The following LRGUK variants were observed in gnomAD, a reference collection of about 807,000 sequenced individuals.
LRGUK encodes leucine-rich repeat and guanylate kinase domain-containing protein.
LRGUK carries 65 observed loss-of-function variants against 76.0 expected under a neutral mutation model. The observed-to-expected ratio is 0.85, with a 90% CI of 0.70 to 1.05. The LOEUF (loss-of-function observed/expected upper bound fraction) is 1.05. Among genes scored for constraint, LRGUK ranks in the 50% least tolerant of loss-of-function variants. LRGUK has a pLI of 0.00. For missense variants in LRGUK, 758 were observed against 732.8 expected (o/e 1.03, Z -0.40); for synonymous variants, 268 against 265.6 (o/e 1.01, Z -0.09).
chr7:134,274,790 C>A, the LRGUK span, among the ~76,000 whole-genome samples: 23 of 152,022 alleles, frequency 1.5e-4, no homozygotes, highest in Admixed American at 1.5e-3. Context: ...ATCAGTGCCA[C>A]CTGTGCTTAT....
At chr7:134,185,038 C>G (rs1389822016) in intron 11 of LRGUK, among the ~76,000 whole-genome samples, 6 of 152,200 alleles carry the variant, frequency 3.9e-5, no homozygotes, top group Non-Finnish European at 7.4e-5. Flanking sequence ...TTTGGTATTT[C>G]AGGAGGAAGG....
At chr7:134,139,161 C>G (rs1377447073) in intron 2 of LRGUK, among the ~76,000 whole-genome samples, 1 of 152,102 alleles carries the variant, frequency 6.6e-6, no homozygotes, top group Admixed American at 6.5e-5. Context: ...CTAACGGTCT[C>G]CATGAACACT....
At chr7:134,273,248 A>T in the LRGUK span, among the ~76,000 whole-genome samples, 1 of 152,112 alleles carries the variant, frequency 6.6e-6, no homozygotes, top group East Asian at 1.9e-4. Flanking sequence ...ATGTAGACAT[A>T]TTGAGAACTT....
At chr7:134,214,399 A>G (rs1052832593), downstream of LRGUK, among the ~76,000 whole-genome samples, 8 of 152,292 alleles carry the variant, frequency 5.3e-5, no homozygotes, top group Non-Finnish European at 1.5e-5. Flanking sequence ...TCAGTCTAGT[A>G]ATTCGAATCT....
At chr7:134,145,898 T>C (rs1797949971) in intron 4 of LRGUK, among the ~76,000 whole-genome samples, 1 of 152,222 alleles carries the variant, frequency 6.6e-6, no homozygotes, top group South Asian at 2.1e-4. Context: ...TGAAAAATGT[T>C]AATTTGACTT....
intron 12 of LRGUK, 113 bp downstream of exon 12, chr7:134,191,864 G>A (rs554667509): frequency 8.6e-5 from 60 of 698,538 alleles, no homozygotes; most frequent in Non-Finnish European, 1.1e-4. Flanking sequence ...TGCTTGTTAT[G>A]AGAGGTGAGT....
At chr7:134,171,226 T>C (rs2116967663) in intron 7 of LRGUK, among the ~76,000 whole-genome samples, 1 of 152,172 alleles carries the variant, frequency 6.6e-6, no homozygotes, top group African/African-American at 2.4e-5. Context: ...TTCTGTTCCA[T>C]TGATCTGTCT....
chr7:134,262,233 G>A lies in LRGUK; in HGVS notation c.2348-1612G>A, dbSNP rs573649243. On this transcript the variant is annotated intron_variant, in intron 19 of 19. Coordinates refer to the LRGUK transcript ENST00000285928. ...TACTAAAAATCCAAAAAGTAGCTGA[G>A]TGTGTTGGTGTGCGCCTGTAATCCC... is the stretch of plus-strand genomic sequence containing the variant. Among the ~76,000 whole-genome samples, 218 of 152,228 alleles carry A rather than the reference G, an allele frequency of 1.4e-3. 1 individual carries two copies. The highest frequency in any genetic ancestry group is 5.0e-3 in the African/African-American group (208 of 41,540).
intron 18 of LRGUK, among the ~76,000 whole-genome samples, chr7:134,255,367 G>A (rs909101424): frequency 1.3e-5 from 2 of 152,134 alleles, no homozygotes; most frequent in African/African-American, 4.8e-5. Context: ...AGGACTTGAA[G>A]CTATCAAGTC....
intron 1 of LRGUK, among the ~76,000 whole-genome samples, chr7:134,135,956 A>T (rs529064348): frequency 8.5e-5 from 13 of 152,194 alleles, no homozygotes; most frequent in Non-Finnish European, 1.6e-4. Flanking sequence ...GCGCCCGGCA[A>T]GAAGCTCTTT....
intron 18 of LRGUK, among the ~76,000 whole-genome samples, chr7:134,257,391 C>T (rs1226493535): frequency 6.6e-6 from 1 of 152,132 alleles, no homozygotes; most frequent in African/African-American, 2.4e-5. Flanking sequence ...GTAGAGCTGC[C>T]TCCCTGGAAG....
At chr7:134,135,061 T>C (rs1192782870) in intron 1 of LRGUK, among the ~76,000 whole-genome samples, 2 of 152,212 alleles carry the variant, frequency 1.3e-5, no homozygotes, top group African/African-American at 4.8e-5. Context: ...TATACATGTA[T>C]TAATTTTGAA....
chr7:134,129,476 T>G (rs1234564241), intron 1 of LRGUK, among the ~76,000 whole-genome samples: 3 of 117,716 alleles, frequency 2.5e-5, no homozygotes, highest in African/African-American at 1.0e-4. Context: ...TCCTCTTCTC[T>G]CCTCTTCTCT....
chr7:134,253,626 C>A (rs1802499686), intron 18 of LRGUK, among the ~76,000 whole-genome samples: 1 of 152,116 alleles, frequency 6.6e-6, no homozygotes, highest in African/African-American at 2.4e-5. Context: ...ACCAGCCTGG[C>A]CAACATGGCA....
In LRGUK at chr7:134,221,923, G is replaced by A. The variant is rs750050287; in HGVS notation, c.1983+5G>A. 6.3e-7 allele frequency: 1 copy of A among 1,587,210 alleles called. No individual in the cohort carries two copies. Among genetic ancestry groups the A allele is most frequent in the South Asian group, 1.2e-5 (1 of 86,134 alleles). Reference sequence around the variant, plus strand: ...TCAGCCAAAAAAACACCAGCGGTAAGAGAGGAATAGAAGGGGTGAAGCCAC... The same window carrying A: ...TCAGCCAAAAAAACACCAGCGGTAAAAGAGGAATAGAAGGGGTGAAGCCAC... On this transcript the variant is annotated splice_donor_5th_base_variant and intron_variant, in intron 16 of 19. Coordinates refer to the LRGUK transcript ENST00000285928.
intron 7 of LRGUK, among the ~76,000 whole-genome samples, chr7:134,166,714 C>A (rs1799002140): frequency 6.6e-6 from 1 of 152,160 alleles, no homozygotes. Context: ...CTGACGGAGA[C>A]AATGGCAGCT....
At chr7:134,250,828 A>G (rs746290840) in intron 18 of LRGUK, among the ~76,000 whole-genome samples, 1 of 152,212 alleles carries the variant, frequency 6.6e-6, no homozygotes, top group African/African-American at 2.4e-5. Flanking sequence ...AAATGGCCTA[A>G]TGGGCTGCAG....
intron 1 of LRGUK, among the ~76,000 whole-genome samples, chr7:134,130,867 A>G (rs1797271267): frequency 6.6e-6 from 1 of 152,258 alleles, no homozygotes; most frequent in South Asian, 2.1e-4. Context: ...TGTTGAGCAA[A>G]TTACTTAACC....
chr7:134,200,297 A>AAAGT (rs1800713598), intron 14 of LRGUK, among the ~76,000 whole-genome samples: 1 of 151,772 alleles, frequency 6.6e-6, no homozygotes, highest in South Asian at 2.1e-4. Flanking sequence ...TCAGCCTCCC[A>AAAGT]AAGTGCTGGG....
Sources: allele counts gnomAD v4.1 joint callset (sites outside exome capture counted in the v4.1 genomes callset), GRCh38; gene constraint gnomAD v4.1.1; transcripts MANE v1.5; gene names NCBI Gene and HGNC (gene_info 2026-07-23, HGNC 2026-07-21).